UTY: variants seen among roughly 807,000 people sequenced by gnomAD.
The protein encoded by UTY is ubiquitously transcribed tetratricopeptide repeat containing, Y-linked, also known as histone demethylase UTY.
Under a neutral mutation model 32.5 loss-of-function variants are expected in UTY, and 12 were observed. That is an observed-to-expected ratio of 0.37 (90% CI 0.24 to 0.60). The LOEUF (loss-of-function observed/expected upper bound fraction) is 0.60, where lower values mean the gene tolerates loss of function less well. UTY is among the 20% of genes least tolerant of loss of function. The pLI is 0.69. For missense variants in UTY, 303 were observed against 299.2 expected (o/e 1.01, Z -0.09); for synonymous variants, 131 against 103.4 (o/e 1.27, Z -1.62).
At chrY:13,443,363 T>G in intron 4 of UTY, among the ~76,000 whole-genome samples, 1 of 33,236 alleles carries the variant, frequency 3.0e-5, no homozygotes, top group South Asian at 6.7e-4. Flanking sequence ...GCTTCGAGGT[T>G]GACTGGTCAA....
chrY:13,295,059 TAAAAAAAA>T (rs79646327), intron 27 of UTY, among the ~76,000 whole-genome samples: 1 of 17,805 alleles, frequency 5.6e-5, no homozygotes, highest in Non-Finnish European at 1.3e-4. Flanking sequence ...AAAACTGTCT[TAAAAAAAA>T]AAAAAAAAAA....
At chrY:13,441,775 A>C (rs2075201796) in intron 4 of UTY, among the ~76,000 whole-genome samples, 1 of 34,191 alleles carries the variant, frequency 2.9e-5, no homozygotes, top group African/African-American at 1.1e-4. Flanking sequence ...GTGGTCAGCA[A>C]GCCTACAGGC....
intron 26 of UTY, 26 bp downstream of exon 26, chrY:13,298,931 C>T (rs752970320): frequency 2.7e-6 from 1 of 369,354 alleles, no homozygotes; most frequent in South Asian, 3.2e-5. Context: ...AAATATAAAC[C>T]TTGTTGGTGT....
chrY:13,425,926 T>C, intron 4 of UTY, among the ~76,000 whole-genome samples: 4 of 33,453 alleles, frequency 1.2e-4, no homozygotes, highest in Non-Finnish European at 3.0e-4. Context: ...GAGGAGGCTA[T>C]TTCCTCAAAG....
rs564397291 is a variant in UTY, at chrY:13,271,612, T to C, written c.4011-11208A>G. On this transcript the variant is annotated intron_variant, in intron 27 of 29. Transcript: ENST00000545955. ...TGACACCTATTTTATAATAATACTA[T>C]GAAGAGTAAGATAATAAGAATGAGA... Among the ~76,000 whole-genome samples the C allele has an allele frequency of 6.1e-3, 205 of 33,381 alleles. No homozygotes were observed. In the South Asian group the frequency reaches 0.13, roughly 21 times the overall value. The allele number at this position is 33,381 out of a possible 37,273, so 89.6% of individuals were successfully genotyped here. A position where few individuals can be genotyped will look rare whatever the true frequency, so the allele number is the denominator to read the frequency against.
chrY:13,352,954 A>G (rs906695527), intron 17 of UTY, among the ~76,000 whole-genome samples: 12 of 34,151 alleles, frequency 3.5e-4, no homozygotes, highest in Non-Finnish European at 7.3e-4. Flanking sequence ...TGAAGCCAGT[A>G]GAAGTTGGTT....
intron 7 of UTY, among the ~76,000 whole-genome samples, chrY:13,395,659 AACAC>A (rs113496156): frequency 1.7e-3 from 38 of 22,103 alleles, no homozygotes; most frequent in East Asian, 9.3e-3. Context: ...ACAAAATTAA[AACAC>A]ACACACACAC....
chrY:13,277,454 C>A, intron 27 of UTY, among the ~76,000 whole-genome samples: 1 of 33,329 alleles, frequency 3.0e-5, no homozygotes. Context: ...AATCACCGTA[C>A]CTAGTTTTGA....
chrY:13,456,256 C>G (rs2076795221), intron 3 of UTY, among the ~76,000 whole-genome samples: 1 of 33,251 alleles, frequency 3.0e-5, no homozygotes, highest in Non-Finnish European at 7.4e-5. Flanking sequence ...TTCACACAAA[C>G]ATATATGTGA....
intron 28 of UTY, among the ~76,000 whole-genome samples, chrY:13,254,751 T>C (rs2054545232): frequency 9.0e-5 from 3 of 33,404 alleles, no homozygotes; most frequent in African/African-American, 3.5e-4. Flanking sequence ...TAGTCATTGA[T>C]TCAGATTACT....
intron 26 of UTY, 98 bp from the exon 27 acceptor site, chrY:13,297,946 C>A: frequency 1.0e-5 from 2 of 195,138 alleles, no homozygotes; most frequent in African/African-American, 1.6e-4. Flanking sequence ...ACTGCAATAC[C>A]AATTCTGAAA....
At chrY:13,437,766 T>C in intron 4 of UTY, among the ~76,000 whole-genome samples, 2 of 33,252 alleles carry the variant, frequency 6.0e-5, no homozygotes, top group African/African-American at 2.4e-4. Context: ...GTGTGAAACC[T>C]ACTGGCTCTA....
At chrY:13,273,604 C>T in intron 27 of UTY, among the ~76,000 whole-genome samples, 1 of 32,628 alleles carries the variant, frequency 3.1e-5, no homozygotes, top group South Asian at 6.6e-4. Context: ...CTTTCACTTT[C>T]GATAAAGTCA....
chrY:13,361,280 G>A (rs976084283), intron 10 of UTY, among the ~76,000 whole-genome samples: 1 of 33,301 alleles, frequency 3.0e-5, no homozygotes, highest in Non-Finnish European at 7.4e-5. Flanking sequence ...GAGGCATTTC[G>A]TATAGGTTTG....
intron 18 of UTY, among the ~76,000 whole-genome samples, chrY:13,334,405 C>T (rs767608176): frequency 1.5e-4 from 5 of 33,517 alleles, no homozygotes; most frequent in African/African-American, 5.9e-4. Flanking sequence ...CCAGAGACTA[C>T]AAGGAACGTA....
rs748229196 is a variant in UTY, at chrY:13,251,049, C to T, written c.4276G>A (p.Asp1426Asn). The change falls in exon 29 of 30, where the codon GAC becomes AAC. Residue 1426 changes from aspartate (D) to asparagine (N), a missense_variant. Asp to Asn is a conservative substitution (Grantham distance 23). Transcript: ENST00000545955. ...AATTGATCATAAACTTGGATTAGGT[C>T]CTCCATTTTGTACTGTTCGAGCACC... is the stretch of plus-strand genomic sequence containing the variant. ...FVVLEQYKME[D>N]LIQVYDQFTL... is the part of the protein sequence containing the mutation. 2.5e-6 allele frequency: 1 copy of T among 398,379 alleles called. No individual in the cohort carries two copies. Among genetic ancestry groups the T allele is most frequent in the Non-Finnish European group, 3.5e-6 (1 of 283,339 alleles).
intron 8 of UTY, among the ~76,000 whole-genome samples, chrY:13,388,751 C>T (rs2067191861): frequency 3.1e-5 from 1 of 32,159 alleles, no homozygotes; most frequent in Non-Finnish European, 7.6e-5. Context: ...CAAATACCCA[C>T]GTGTCAAGGG....
At chrY:13,318,329 G>A in intron 21 of UTY, among the ~76,000 whole-genome samples, 1 of 31,544 alleles carries the variant, frequency 3.2e-5, no homozygotes, top group Non-Finnish European at 7.7e-5. Context: ...ATATGAGAAA[G>A]AATCTTGTAT....
At chrY:13,298,024 A>T (rs1603339389) in intron 26 of UTY, among the ~76,000 whole-genome samples, 176 bp from the exon 27 acceptor site, 2 of 33,834 alleles carry the variant, frequency 5.9e-5, no homozygotes, top group East Asian at 1.5e-3. Context: ...TAACGTAAAG[A>T]GCAGTCACAA....
Sources: allele counts gnomAD v4.1 joint callset (sites outside exome capture counted in the v4.1 genomes callset), GRCh38; gene constraint gnomAD v4.1.1; transcripts MANE v1.5; gene names NCBI Gene and HGNC (gene_info 2026-07-23, HGNC 2026-07-21).